The following ABCA13 variants were observed in gnomAD, a reference collection of about 807,000 sequenced individuals.
ABCA13 encodes the protein ATP-binding cassette sub-family A member 13.
In ABCA13, 476 loss-of-function variants were observed where a neutral mutation model predicts 478.7. That is an observed-to-expected ratio of 0.99 (90% CI 0.92 to 1.07). ABCA13 has a LOEUF of 1.07. ABCA13 is among the 50% of genes least tolerant of loss of function. The probability of loss-of-function intolerance (pLI) is 0.00; values close to 1 mark genes in which losing one functional copy is unlikely to be tolerated. For missense variants in ABCA13, 6,060 were observed against 5,910.6 expected (o/e 1.03, Z -0.83); for synonymous variants, 2,252 against 2,158.9 (o/e 1.04, Z -1.20).
rs143647872 is a variant in ABCA13, at chr7:48,231,485, C to A, written c.763+1530C>A. 3.6e-3 allele frequency among the ~76,000 whole-genome samples: 546 copies of A among 152,128 alleles called. 3 individuals carry two copies. The highest frequency in any genetic ancestry group is 0.013 in the African/African-American group (523 of 41,490). On this transcript the variant is annotated intron_variant, in intron 7 of 61. Coordinates refer to ENST00000435803, the MANE Select transcript of ABCA13 (RefSeq NM_152701.5). ...TAGCAGGGGGTGGCATAGAAAGGAG[C>A]CCAGGCCAAAACACGAGTGGCCATG...
Position 48,456,432 on chromosome 7 carries a change from A to G in ABCA13, c.12815+1146A>G, listed in dbSNP as rs144602182. On this transcript the variant is annotated intron_variant, in intron 43 of 61. Coordinates refer to ENST00000435803, the MANE Select transcript of ABCA13 (RefSeq NM_152701.5). ...TATCACTATTTTGAGTCTTTTGATT[A>G]TAAAATATGTTTCTTGAAGAAAATA... Among the ~76,000 whole-genome samples, 10 of 152,358 alleles carry G rather than the reference A, an allele frequency of 6.6e-5. 1 individual carries two copies. The highest frequency in any genetic ancestry group is 2.4e-4 in the African/African-American group (10 of 41,588).
chr7:48,610,167 A>G (rs1276417394), intron 58 of ABCA13, among the ~76,000 whole-genome samples: 1 of 152,354 alleles, frequency 6.6e-6, no homozygotes, highest in Non-Finnish European at 1.5e-5. Flanking sequence ...TACTTCCAAG[A>G]TACAATGAGA....
chr7:48,422,055 C>CTAAAAAAA (rs1820820777), intron 41 of ABCA13, among the ~76,000 whole-genome samples: 1 of 80,578 alleles, frequency 1.2e-5, no homozygotes, highest in Admixed American at 1.6e-4. Context: ...GTCTTTCTTA[C>CTAAAAAAA]AAAAAAAAAA....
At chr7:48,359,076 G>A (rs1294245703) in intron 31 of ABCA13, among the ~76,000 whole-genome samples, 5 of 152,020 alleles carry the variant, frequency 3.3e-5, no homozygotes, top group South Asian at 4.2e-4. Flanking sequence ...TTTGGGTGTC[G>A]GTCTCCTCAG....
chr7:48,535,441 C>T (rs963469144), intron 55 of ABCA13, among the ~76,000 whole-genome samples: 2 of 152,124 alleles, frequency 1.3e-5, no homozygotes, highest in African/African-American at 4.8e-5. Context: ...TCTGAGGTTC[C>T]TTGGTTGTAT....
intron 55 of ABCA13, among the ~76,000 whole-genome samples, chr7:48,564,688 G>A (rs115374084): frequency 0.14 from 20,937 of 151,382 alleles, 1,800 homozygotes; most frequent in African/African-American, 0.23. Context: ...TAATTAAAAA[G>A]TTAAATAGAT....
At position 48,195,645 on chromosome 7, in the gene ABCA13, C is replaced by T. The variant is rs967085671; in HGVS notation, c.164-2592C>T. On this transcript the variant is annotated intron_variant, in intron 2 of 61. Coordinates refer to ENST00000435803, the MANE Select transcript of ABCA13 (RefSeq NM_152701.5). ...GACTCTTGTGATTGTCAGAGTGAGTCGCCTAATCAATCAGATTATGAATTT... is the reference window on the plus strand; with the variant it reads ...GACTCTTGTGATTGTCAGAGTGAGTTGCCTAATCAATCAGATTATGAATTT... 7.2e-5 allele frequency among the ~76,000 whole-genome samples: 11 copies of T among 152,152 alleles called. No individual in the cohort carries two copies. In the South Asian group the frequency reaches 1.0e-3, roughly 14 times the overall value.
At chr7:48,605,130 A>C (rs183407772) in intron 58 of ABCA13, among the ~76,000 whole-genome samples, 10 of 152,192 alleles carry the variant, frequency 6.6e-5, no homozygotes, top group Admixed American at 6.5e-4. Flanking sequence ...GTCTTTGTAC[A>C]TGAGATGGGT....
chr7:48,565,276 A>G (rs1363557223), intron 55 of ABCA13, among the ~76,000 whole-genome samples: 1 of 151,802 alleles, frequency 6.6e-6, no homozygotes, highest in African/African-American at 2.4e-5. Flanking sequence ...GAACAAAAAA[A>G]AAAAATCTCA....
intron 47 of ABCA13, among the ~76,000 whole-genome samples, chr7:48,485,008 A>G (rs965728752): frequency 6.6e-6 from 1 of 152,230 alleles, no homozygotes; most frequent in African/African-American, 2.4e-5. Flanking sequence ...AAAAATTTGC[A>G]TATGAATAGG....
At chr7:48,206,724 T>C (rs923377696) in intron 3 of ABCA13, among the ~76,000 whole-genome samples, 56 of 152,252 alleles carry the variant, frequency 3.7e-4, no homozygotes, top group African/African-American at 1.2e-3. Context: ...AAATACACAA[T>C]GCATAATGAT....
At position 48,275,182 on chromosome 7, in the gene ABCA13, A is replaced by AC. The variant is rs1356852545; in HGVS notation, c.5520dup (p.Cys1841LeufsTer20). The stretch of plus-strand genomic sequence containing the variant: ...GGATTTCGGCAGAATTCAAAGATAG[A>AC]CCCCTGCAATGTCCATGGGCTCATG... On this transcript the variant is annotated frameshift_variant, in exon 17 of 62. Transcript: ENST00000435803. LOFTEE classifies it high-confidence loss of function. The AC allele has an allele frequency of 6.2e-7, 1 of 1,613,724 alleles. No homozygotes were observed. The highest frequency in any genetic ancestry group is 8.5e-7 in the Non-Finnish European group (1 of 1,179,852).
intron 33 of ABCA13, 76 bp downstream of exon 33, chr7:48,372,573 C>A: frequency 8.3e-7 from 1 of 1,200,000 alleles, no homozygotes; most frequent in Non-Finnish European, 1.1e-6. Flanking sequence ...AAAATCCCAC[C>A]ACTCTCACTT....
intron 5 of ABCA13, among the ~76,000 whole-genome samples, chr7:48,225,296 A>G (rs1342746523): frequency 1.3e-5 from 2 of 150,016 alleles, no homozygotes; most frequent in Non-Finnish European, 3.0e-5. Context: ...CACAGATGGA[A>G]CCATCCATTT....
At chr7:48,520,626 A>C (rs34527719) in intron 53 of ABCA13, among the ~76,000 whole-genome samples, 12,725 of 152,092 alleles carry the variant, frequency 0.084, 927 homozygotes, top group African/African-American at 0.2. Flanking sequence ...ATATGTATAC[A>C]TGAGCCATGT....
At chr7:48,471,789 A>G (rs1827532142) in intron 45 of ABCA13, among the ~76,000 whole-genome samples, 190 bp downstream of exon 45, 1 of 152,220 alleles carries the variant, frequency 6.6e-6, no homozygotes, top group African/African-American at 2.4e-5. Context: ...TGCTGTATAG[A>G]TTGACAGTGC....
chr7:48,348,927 C>A (rs1278327964), intron 29 of ABCA13, among the ~76,000 whole-genome samples: 1 of 152,160 alleles, frequency 6.6e-6, no homozygotes, highest in East Asian at 1.9e-4. Context: ...CATATGGTTC[C>A]ACTCAATATA....
chr7:48,298,726 T>A (rs1799743283), intron 23 of ABCA13, among the ~76,000 whole-genome samples: 1 of 152,256 alleles, frequency 6.6e-6, no homozygotes, highest in Non-Finnish European at 1.5e-5. Flanking sequence ...ATATTTTCTT[T>A]ATTTGGAGTT....
At chr7:48,387,120 G>A (rs1016578812) in intron 35 of ABCA13, among the ~76,000 whole-genome samples, 5 of 151,798 alleles carry the variant, frequency 3.3e-5, no homozygotes, top group African/African-American at 1.2e-4. Flanking sequence ...TGCTATAATA[G>A]TCTTTATATC....
Sources: allele counts gnomAD v4.1 joint callset (sites outside exome capture counted in the v4.1 genomes callset), GRCh38; gene constraint gnomAD v4.1.1; transcripts MANE v1.5; gene names NCBI Gene and HGNC (gene_info 2026-07-23, HGNC 2026-07-21).